Variants in CDK8 observed in about 807,000 individuals in gnomAD.
The protein encoded by CDK8 is cyclin dependent kinase 8, also known as cyclin-dependent kinase 8.
A neutral mutation model predicts 71.5 loss-of-function variants in CDK8; 29 were observed. The observed-to-expected ratio is 0.41, with a 90% CI of 0.30 to 0.55. The LOEUF is 0.55. Among genes scored for constraint, CDK8 ranks in the 20% least tolerant of loss-of-function variants. The probability of loss-of-function intolerance (pLI) is 0.37; values close to 1 mark genes in which losing one functional copy is unlikely to be tolerated. For missense variants in CDK8, 288 were observed against 572.6 expected, an observed-to-expected ratio of 0.50 and a Z score of 5.07; for synonymous variants, 161 against 192.1, an observed-to-expected ratio of 0.84 and a Z score of 1.34.
chr13:26,293,688 A>G (rs886143205), intron 1 of CDK8, among the ~76,000 whole-genome samples: 4 of 151,656 alleles, frequency 2.6e-5, no homozygotes, highest in African/African-American at 9.7e-5. Context: ...TGTGATATAC[A>G]GTTTTAATTG....
Position 26,362,222 on chromosome 13 carries a change from AGATGGATGGATGGATGGATGGATG to A in CDK8, c.456+8366_456+8389del, listed in dbSNP as rs66479948. Among the ~76,000 whole-genome samples, 5 of 146,772 alleles carry A rather than the reference AGATGGATGGATGGATGGATGGATG, an allele frequency of 3.4e-5. No individual in the cohort carries two copies. In the East Asian group the frequency reaches 6.2e-4, roughly 18 times the overall value. ...GATGTATGTGTGGATGATAGATGAT[AGATGGATGGATGGATGGATGGATG>A]GATGGATGGATGGATGGATGGATAG... On this transcript the variant is annotated intron_variant, in intron 4 of 12. Coordinates refer to ENST00000381527, the MANE Select transcript of CDK8 (RefSeq NM_001260.3).
chr13:26,260,374 G>T (rs1359023498), intron 1 of CDK8, among the ~76,000 whole-genome samples: 2 of 152,168 alleles, frequency 1.3e-5, no homozygotes, highest in African/African-American at 4.8e-5. Flanking sequence ...GGCCATTCAA[G>T]AAAAGCAGCC....
chr13:26,281,119 T>G (rs1291984072), intron 1 of CDK8, among the ~76,000 whole-genome samples: 1 of 152,248 alleles, frequency 6.6e-6, no homozygotes. Context: ...TGCAACATCC[T>G]GGGCAACCAG....
At chr13:26,339,026 G>A (rs990734767) in intron 2 of CDK8, among the ~76,000 whole-genome samples, 1 of 151,926 alleles carries the variant, frequency 6.6e-6, no homozygotes, top group Non-Finnish European at 1.5e-5. Context: ...TGCATATATC[G>A]TGATAACTAT....
At chr13:26,395,775 C>T (rs1007546449) in intron 7 of CDK8, among the ~76,000 whole-genome samples, 1 of 152,022 alleles carries the variant, frequency 6.6e-6, no homozygotes, top group South Asian at 2.1e-4. Context: ...AGTTATTACC[C>T]CTTCTTCCAT....
At chr13:26,296,711 T>C (rs1049263502) in intron 1 of CDK8, among the ~76,000 whole-genome samples, 2 of 152,166 alleles carry the variant, frequency 1.3e-5, no homozygotes, top group Admixed American at 6.5e-5. Context: ...TTATAACTTA[T>C]CAAGGATGAT....
intron 7 of CDK8, 76 bp downstream of exon 7, chr13:26,393,586 A>G (rs1485018074): frequency 9.6e-6 from 14 of 1,454,284 alleles, no homozygotes; most frequent in African/African-American, 4.3e-5. Context: ...GGAGAGGTAT[A>G]TATTTTTAGC....
Position 26,401,134 on chromosome 13 carries a change from T to A in CDK8, c.1032-135T>A, listed in dbSNP as rs1409762365. 4.4e-6 allele frequency: 3 copies of A among 678,796 alleles called. No homozygotes were observed. The East Asian group carries it at 8.1e-5, about 18-fold the overall frequency. The allele number at this position is 678,796 out of a possible 1,614,324, so 42.0% of individuals were successfully genotyped here. A position where few individuals can be genotyped will look rare whatever the true frequency, so the allele number is the denominator to read the frequency against. On this transcript the variant is annotated intron_variant, in intron 10 of 12. Coordinates refer to ENST00000381527, the MANE Select transcript of CDK8 (RefSeq NM_001260.3). The surrounding 1 kb of genome is among the most constrained non-coding windows in gnomAD (Gnocchi z 4.5). ...AAGAAAAGATTCGTTTTGTCACAGTTACATGAAAGGTGCTTATATTTGCAA... is the reference window on the plus strand; with the variant it reads ...AAGAAAAGATTCGTTTTGTCACAGTAACATGAAAGGTGCTTATATTTGCAA...
intron 8 of CDK8, 135 bp from the exon 9 acceptor site, chr13:26,397,018 C>T (rs1876026550): frequency 1.6e-6 from 1 of 617,818 alleles, no homozygotes; most frequent in Non-Finnish European, 2.9e-6. Flanking sequence ...TAATTCTACT[C>T]ATTTTATGCT....
intron 1 of CDK8, among the ~76,000 whole-genome samples, chr13:26,329,125 T>C (rs1320813029): frequency 6.6e-6 from 1 of 152,196 alleles, no homozygotes; most frequent in Non-Finnish European, 1.5e-5. Context: ...ATACTTATCG[T>C]CCTTATGTCT....
intron 1 of CDK8, among the ~76,000 whole-genome samples, chr13:26,256,016 A>G (rs879864786): frequency 2.0e-5 from 3 of 152,218 alleles, no homozygotes; most frequent in Non-Finnish European, 4.4e-5. Flanking sequence ...TGTCTTTCTA[A>G]AAGTATTTAC....
At chr13:26,262,081 A>G (rs1343487320) in intron 1 of CDK8, among the ~76,000 whole-genome samples, 2 of 152,226 alleles carry the variant, frequency 1.3e-5, no homozygotes, top group Non-Finnish European at 2.9e-5. Context: ...CTCAGGCAGC[A>G]CCTTGTGCTG....
intron 1 of CDK8, among the ~76,000 whole-genome samples, chr13:26,279,568 C>T (rs1872668554): frequency 6.6e-6 from 1 of 151,954 alleles, no homozygotes; most frequent in African/African-American, 2.4e-5. Context: ...TTTTAAATGA[C>T]CACTGGCCTA....
intron 9 of CDK8, among the ~76,000 whole-genome samples, chr13:26,399,306 G>A (rs1876145581): frequency 6.6e-6 from 1 of 152,126 alleles, no homozygotes; most frequent in Admixed American, 6.5e-5. Flanking sequence ...CACCACACCT[G>A]GCCTCTCTTT....
chr13:26,316,001 G>C (rs1565969339), intron 1 of CDK8, among the ~76,000 whole-genome samples: 1 of 152,170 alleles, frequency 6.6e-6, no homozygotes, highest in Admixed American at 6.5e-5. Flanking sequence ...TTCACTCTTA[G>C]CACATTAGTT....
intron 1 of CDK8, among the ~76,000 whole-genome samples, chr13:26,263,166 C>T (rs755287744): frequency 2.0e-5 from 3 of 151,810 alleles, no homozygotes; most frequent in Admixed American, 6.6e-5. Flanking sequence ...GACGGAGTCT[C>T]GCTCTGTTGC....
At chr13:26,310,398 C>T (rs988976619) in intron 1 of CDK8, among the ~76,000 whole-genome samples, 1 of 151,990 alleles carries the variant, frequency 6.6e-6, no homozygotes, top group Non-Finnish European at 1.5e-5. Context: ...CCAATGGGGG[C>T]GAGGGGTGGT....
intron 1 of CDK8, among the ~76,000 whole-genome samples, chr13:26,289,286 C>G (rs191257258): frequency 0.012 from 1,765 of 152,122 alleles, 17 homozygotes; most frequent in Non-Finnish European, 0.02. Context: ...ATCTCCTGAC[C>G]TCGTGAACCG....
At chr13:26,319,541 C>T (rs1398754243) in intron 1 of CDK8, among the ~76,000 whole-genome samples, 1 of 151,640 alleles carries the variant, frequency 6.6e-6, no homozygotes, top group African/African-American at 2.4e-5. Context: ...AAAGCTGTAA[C>T]ACATTGCTGA....
Sources: allele counts gnomAD v4.1 joint callset (sites outside exome capture counted in the v4.1 genomes callset), GRCh38; gene constraint gnomAD v4.1.1; non-coding constraint Gnocchi (gnomAD v3.1); transcripts MANE v1.5; gene names NCBI Gene and HGNC (gene_info 2026-07-23, HGNC 2026-07-21).